Variants in MADD observed in about 807,000 individuals in gnomAD.
MADD encodes the protein MAP kinase activating death domain.
In MADD, 109 loss-of-function variants were observed where a neutral mutation model predicts 176.7. The ratio of observed to expected loss-of-function variants is 0.62; its 90% CI spans 0.53 to 0.72. MADD has a LOEUF of 0.72. Ranked by LOEUF, MADD falls within the 30% of genes least tolerant of loss-of-function variation. The pLI is 0.00. For synonymous variants in MADD, 771 were observed against 771.3 expected (o/e 1.00, Z 0.01); for missense variants, 1,914 against 2,045.5 (o/e 0.94, Z 1.24).
chr11:47,287,137 A>G (rs1215009396), intron 15 of MADD, among the ~76,000 whole-genome samples: 1 of 152,228 alleles, frequency 6.6e-6, no homozygotes, highest in Admixed American at 6.5e-5. Flanking sequence ...CAGACTGACC[A>G]ACATGGCGAA....
At chr11:47,304,552 T>C (rs1281806007) in intron 22 of MADD, among the ~76,000 whole-genome samples, 2 of 151,228 alleles carry the variant, frequency 1.3e-5, no homozygotes, top group Admixed American at 6.6e-5. Flanking sequence ...TTTTAAACTT[T>C]GTTCATTGAA....
rs927640315 is a variant in MADD at position 47,295,360 on chromosome 11, A to G, written c.3403-136A>G. On this transcript the variant is annotated intron_variant, in intron 20 of 32. Transcript: ENST00000402192. ...GTTGTACATATTTTATATTCTGGAA[A>G]CAAAAGTTGCTCGTGACTTCTCTAA... is the stretch of plus-strand genomic sequence containing the variant. 2.4e-5 allele frequency: 16 copies of G among 661,540 alleles called. No individual in the cohort carries two copies. The African/African-American group carries it at 2.7e-4, about 11-fold the overall frequency. 41.0% of individuals were successfully genotyped at this position (661,540 alleles called of 1,614,324 possible).
intron 5 of MADD, among the ~76,000 whole-genome samples, chr11:47,277,793 G>A (rs1336352451): frequency 6.6e-6 from 1 of 152,186 alleles, no homozygotes; most frequent in Non-Finnish European, 1.5e-5. Context: ...GACAGAGCGG[G>A]ACAGCATGAG....
intron 27 of MADD, among the ~76,000 whole-genome samples, chr11:47,316,138 A>G (rs1173611290): frequency 6.6e-6 from 1 of 150,804 alleles, no homozygotes; most frequent in Non-Finnish European, 1.5e-5. Context: ...GCCCGGCCCC[A>G]TTTCTTTTAT....
intron 27 of MADD, among the ~76,000 whole-genome samples, chr11:47,316,205 A>T (rs985021223): frequency 6.6e-6 from 1 of 152,154 alleles, no homozygotes; most frequent in Non-Finnish European, 1.5e-5. Flanking sequence ...ATCTATATAT[A>T]GATGATATAG....
At chr11:47,311,962 C>T (rs2089657121) in intron 26 of MADD, 120 bp downstream of exon 29, 1 of 629,028 alleles carries the variant, frequency 1.6e-6, no homozygotes, top group East Asian at 2.8e-5. Context: ...GTAAATGAGG[C>T]ATTAGTCCCT....
At chr11:47,274,873 A>G (rs2048300071) in exon 3 of MADD, 1 of 1,614,010 alleles carries the variant, frequency 6.2e-7, no homozygotes, top group Non-Finnish European at 8.5e-7. Context: ...AACCCATGCC[A>G]CCTGTGCCTC....
chr11:47,315,398 A>G (rs1476064384), intron 27 of MADD, 71 bp downstream of exon 30: 1 of 793,744 alleles, frequency 1.3e-6, no homozygotes, highest in South Asian at 1.5e-5. Context: ...GACCGATGCC[A>G]GGATATTTTT....
intron 22 of MADD, among the ~76,000 whole-genome samples, chr11:47,297,865 T>C (rs2074289856): frequency 6.9e-6 from 1 of 145,704 alleles, no homozygotes; most frequent in African/African-American, 2.6e-5. Context: ...CTCTGCTCAC[T>C]GCAATCTCCA....
chr11:47,327,017 G>C, intron 31 of MADD: 1 of 1,326,470 alleles, frequency 7.5e-7, no homozygotes, highest in Admixed American at 3.1e-5. Flanking sequence ...AGAGCAAATG[G>C]GGCCTCAGGT....
At chr11:47,282,512 G>A (rs200315895) in exon 9 of MADD, 44 of 1,613,992 alleles carry the variant, frequency 2.7e-5, no homozygotes, top group Middle Eastern at 3.3e-4. Flanking sequence ...TCACGTCCCC[G>A]GCAGACTCCT....
chr11:47,295,918 A>G, exon 22 of MADD: 1 of 1,613,580 alleles, frequency 6.2e-7, no homozygotes, highest in Non-Finnish European at 8.5e-7. Context: ...CTCTGGAGAG[A>G]CCCTTGGAGC....
intron 27 of MADD, among the ~76,000 whole-genome samples, chr11:47,322,457 A>T (rs2094627506): frequency 1.3e-5 from 2 of 152,026 alleles, no homozygotes; most frequent in South Asian, 4.2e-4. Context: ...AAAAATATAT[A>T]AAAAATTAGC....
exon 3 of MADD, chr11:47,274,703 G>A (rs376322773): frequency 8.1e-6 from 13 of 1,614,180 alleles, no homozygotes; most frequent in African/African-American, 1.3e-5. Flanking sequence ...CGGCAGCGGC[G>A]CATGAGCCTT....
chr11:47,328,949 C>T lies in MADD; in HGVS notation c.4660-97C>T, dbSNP rs79357688. The T allele has an allele frequency of 0.016, 17,422 of 1,123,324 alleles. 1,380 individuals carry two copies. In the Admixed American group the frequency reaches 0.16, roughly 10 times the overall value. 69.6% of individuals were successfully genotyped at this position (1,123,324 alleles called of 1,614,324 possible). A position where few individuals can be genotyped will look rare whatever the true frequency, so the allele number is the denominator to read the frequency against. On this transcript the variant is annotated intron_variant, in intron 32 of 32. Transcript: ENST00000402192. ...CTCACGTTTAGCCCAGAGGCCCATG[C>T]CCAGTGTTAGGGCAGGAGTTGCCCA...
rs935731896 is a variant in MADD at position 47,328,928 on chromosome 11, C to T, written c.4660-118C>T. The T allele has an allele frequency of 1.7e-5, 17 of 1,025,240 alleles. No individual in the cohort carries two copies. In the East Asian group the frequency reaches 1.7e-4, roughly 10 times the overall value. The allele number at this position is 1,025,240 out of a possible 1,614,324, so 63.5% of individuals were successfully genotyped here. ...GGACAGCTTCCTTGCTTGGAGCTCA[C>T]GTTTAGCCCAGAGGCCCATGCCCAG... is the stretch of plus-strand genomic sequence containing the variant. On this transcript the variant is annotated intron_variant, in intron 32 of 32. Transcript: ENST00000402192.
At chr11:47,288,142 T>G (rs2062175562) in intron 15 of MADD, among the ~76,000 whole-genome samples, 1 of 152,192 alleles carries the variant, frequency 6.6e-6, no homozygotes, top group African/African-American at 2.4e-5. Flanking sequence ...AATGTCAGGT[T>G]ACTTGGGTGC....
intron 25 of MADD, among the ~76,000 whole-genome samples, chr11:47,310,048 G>A (rs1015145882): frequency 1.3e-4 from 20 of 151,952 alleles, no homozygotes; most frequent in African/African-American, 4.4e-4. Context: ...CACCATGTTG[G>A]CCAGGCTGGT....
intron 31 of MADD, 96 bp from the exon 36 acceptor site, chr11:47,328,562 G>A: frequency 6.3e-7 from 1 of 1,576,398 alleles, no homozygotes; most frequent in Non-Finnish European, 8.6e-7. Flanking sequence ...AGAGGGGAAG[G>A]GGACCCTGAC....
Sources: allele counts gnomAD v4.1 joint callset (sites outside exome capture counted in the v4.1 genomes callset), GRCh38; gene constraint gnomAD v4.1.1; transcripts MANE v1.5; gene names NCBI Gene and HGNC (gene_info 2026-07-23, HGNC 2026-07-21).